The following EYA3 variants were observed in gnomAD, a reference collection of about 807,000 sequenced individuals.
EYA3 encodes the protein EYA transcriptional coactivator and phosphatase 3, also known as protein phosphatase EYA3.
Under a neutral mutation model 80.0 loss-of-function variants are expected in EYA3, and 39 were observed. The observed-to-expected ratio is 0.49, with a 90% CI of 0.38 to 0.64. The LOEUF (loss-of-function observed/expected upper bound fraction) is 0.64, where lower values mean the gene tolerates loss of function less well. EYA3 is among the 30% of genes least tolerant of loss of function. The pLI, the probability that EYA3 is intolerant of heterozygous loss-of-function variation, is 0.00. For synonymous variants in EYA3, 206 were observed against 232.8 expected (o/e 0.88, Z 1.05); for missense variants, 523 against 676.1 (o/e 0.77, Z 2.51).
chr1:27,997,372 C>T lies in EYA3; in HGVS notation c.1090G>A (p.Asp364Asn). Residue 364 changes from aspartate (D) to asparagine (N), a missense_variant, in exon 13 of 18, where the codon GAC becomes AAC. Asp to Asn is a conservative substitution (Grantham distance 23). Around this residue, in one of 2 missense-constraint regions of EYA3, gnomAD observed 219 missense variants for 332.8 expected, o/e 0.66. Transcript: ENST00000373871. ...GCCACATCTTCCACATGTACCTGGT[C>T]ACACTCCTGTTAAAAGACAAAACAT... ...HLFFNDLEEC[D>N]QVHVEDVASD... The T allele has an allele frequency of 7.4e-6, 12 of 1,614,024 alleles. No individual in the cohort carries two copies. Among genetic ancestry groups the T allele is most frequent in the Non-Finnish European group, 1.0e-5 (12 of 1,179,906 alleles).
intron 10 of EYA3, among the ~76,000 whole-genome samples, chr1:28,008,444 A>G (rs1641454297): frequency 6.6e-6 from 1 of 152,120 alleles, no homozygotes; most frequent in South Asian, 2.1e-4. Context: ...CACAGCAATA[A>G]TAGAAATCAG....
intron 2 of EYA3, among the ~76,000 whole-genome samples, chr1:28,054,887 G>T (rs1181179099): frequency 6.6e-6 from 1 of 152,084 alleles, no homozygotes; most frequent in Non-Finnish European, 1.5e-5. Context: ...TACTTGGTTT[G>T]TTTGTTTGTT....
chr1:28,054,368 T>C (rs1644368901), intron 2 of EYA3, among the ~76,000 whole-genome samples: 1 of 152,224 alleles, frequency 6.6e-6, no homozygotes, highest in Non-Finnish European at 1.5e-5. Flanking sequence ...AAAATCTTTT[T>C]GTCTTCTCTA....
intron 8 of EYA3, among the ~76,000 whole-genome samples, chr1:28,016,633 C>T (rs142796803): frequency 2.6e-5 from 4 of 151,510 alleles, no homozygotes; most frequent in Non-Finnish European, 5.9e-5. Flanking sequence ...ATGATAATTG[C>T]TGTAGAGAAA....
At chr1:27,988,058 C>T (rs984270870) in intron 16 of EYA3, among the ~76,000 whole-genome samples, 3 of 151,904 alleles carry the variant, frequency 2.0e-5, no homozygotes, top group African/African-American at 4.8e-5. Context: ...TTTGTAGAGA[C>T]GGAGGTCTGC....
chr1:28,087,570 T>C (rs1337633790), intron 1 of EYA3, among the ~76,000 whole-genome samples: 4 of 152,218 alleles, frequency 2.6e-5, no homozygotes, highest in African/African-American at 7.2e-5. Context: ...AATAAATTCA[T>C]AAATCTGGGG....
chr1:27,996,092 C>T (rs986261708), intron 13 of EYA3, among the ~76,000 whole-genome samples: 4 of 152,162 alleles, frequency 2.6e-5, no homozygotes, highest in African/African-American at 7.2e-5. Context: ...AGGCTAGTCT[C>T]GAACTCCTGA....
intron 1 of EYA3, among the ~76,000 whole-genome samples, chr1:28,078,756 C>T (rs1392562177): frequency 6.6e-6 from 1 of 152,076 alleles, no homozygotes; most frequent in Non-Finnish European, 1.5e-5. Context: ...AAAATAGAAG[C>T]TATTTGTTAT....
intron 6 of EYA3, among the ~76,000 whole-genome samples, chr1:28,033,027 A>G (rs1314750785): frequency 6.6e-6 from 1 of 152,180 alleles, no homozygotes; most frequent in Non-Finnish European, 1.5e-5. Flanking sequence ...ACATGAGACA[A>G]TACTATACAG....
intron 7 of EYA3, among the ~76,000 whole-genome samples, chr1:28,022,292 G>A (rs1195620932): frequency 1.3e-5 from 2 of 152,050 alleles, no homozygotes; most frequent in Non-Finnish European, 2.9e-5. Flanking sequence ...GGGACTACAA[G>A]CACCCACCAC....
chr1:27,999,536 C>CA (rs1640682768), intron 12 of EYA3, among the ~76,000 whole-genome samples: 2 of 152,002 alleles, frequency 1.3e-5, no homozygotes, highest in African/African-American at 4.8e-5. Context: ...ATAGATTCGA[C>CA]AAATCAGGAG....
chr1:28,005,977 C>T (rs1316803964), intron 10 of EYA3, among the ~76,000 whole-genome samples: 1 of 149,366 alleles, frequency 6.7e-6, no homozygotes, highest in African/African-American at 2.5e-5. Context: ...TGGTGGTGCA[C>T]ACTTGTAGTC....
chr1:27,988,383 A>G (rs1175707352), intron 16 of EYA3, 152 bp downstream of exon 16: 3 of 805,432 alleles, frequency 3.7e-6, no homozygotes, highest in Non-Finnish European at 5.7e-6. Flanking sequence ...CTAAGCCTCA[A>G]TTGCATTACT....
rs936425014 is a variant in EYA3 at position 28,009,775 on chromosome 1, T to C, written c.909+1172A>G. Among the ~76,000 whole-genome samples the C allele has an allele frequency of 1.3e-5, 2 of 152,156 alleles. No homozygotes were observed. Among genetic ancestry groups the C allele is most frequent in the South Asian group, 2.1e-4 (1 of 4,834 alleles). On this transcript the variant is annotated intron_variant, in intron 10 of 17. Transcript: ENST00000373871. The surrounding 1 kb of genome is among the most constrained non-coding windows in gnomAD (Gnocchi z 4.8). ...AAGAAGTCAAAGACAGAAAGTAGAA[T>C]AGAGGTTACCAGAGGTTAGAAGAAG... is the stretch of plus-strand genomic sequence containing the variant.
chr1:27,988,116 C>T lies in EYA3; in HGVS notation c.1540+419G>A, dbSNP rs150105238. Among the ~76,000 whole-genome samples the T allele has an allele frequency of 6.8e-3, 1,034 of 152,142 alleles. 5 individuals carry two copies. The highest frequency in any genetic ancestry group is 0.01 in the Non-Finnish European group (711 of 67,972). On this transcript the variant is annotated intron_variant, in intron 16 of 17. Coordinates refer to ENST00000373871, the MANE Select transcript of EYA3 (RefSeq NM_001990.4). ...AACTCCTGGCCTCAAGTGATCCTCC[C>T]GTCTCAGCCTCCCAAAGTGGTGGTA...
At chr1:28,055,468 T>C (rs1186116586) in intron 2 of EYA3, among the ~76,000 whole-genome samples, 1 of 144,836 alleles carries the variant, frequency 6.9e-6, no homozygotes, top group East Asian at 2.0e-4. Flanking sequence ...AAATCTTTTT[T>C]TTTTTTTTTT....
intron 1 of EYA3, among the ~76,000 whole-genome samples, chr1:28,061,436 G>T (rs186093083): frequency 1.3e-5 from 2 of 152,252 alleles, no homozygotes; most frequent in African/African-American, 4.8e-5. Context: ...CACAAGTGGT[G>T]CATGCTATAC....
chr1:27,995,322 G>T (rs1203482545), intron 13 of EYA3, among the ~76,000 whole-genome samples: 2 of 151,288 alleles, frequency 1.3e-5, no homozygotes, highest in African/African-American at 4.9e-5. Flanking sequence ...TGGGGTGGGA[G>T]GATCATTTAA....
At chr1:28,069,642 A>G (rs1443014463) in intron 1 of EYA3, among the ~76,000 whole-genome samples, 1 of 145,614 alleles carries the variant, frequency 6.9e-6, no homozygotes, top group African/African-American at 2.5e-5. Flanking sequence ...AAGGAAGGGA[A>G]AGAGGGGGTA....
Sources: allele counts gnomAD v4.1 joint callset (sites outside exome capture counted in the v4.1 genomes callset), GRCh38; gene constraint gnomAD v4.1.1; regional missense constraint gnomAD v4.1.1; non-coding constraint Gnocchi (gnomAD v3.1); transcripts MANE v1.5; gene names NCBI Gene and HGNC (gene_info 2026-07-23, HGNC 2026-07-21).